The following ABCA8 variants were observed in gnomAD, a reference collection of about 807,000 sequenced individuals.
ABCA8 encodes the protein ATP binding cassette subfamily A member 8.
ABCA8 carries 177 observed loss-of-function variants against 192.3 expected under a neutral mutation model. The ratio of observed to expected loss-of-function variants is 0.92; its 90% CI spans 0.81 to 1.04. The LOEUF (loss-of-function observed/expected upper bound fraction) is 1.04, where lower values mean the gene tolerates loss of function less well. Among genes scored for constraint, ABCA8 ranks in the 50% least tolerant of loss-of-function variants. ABCA8 has a pLI of 0.00. For missense variants in ABCA8, 1,915 were observed against 1,904.8 expected, an observed-to-expected ratio of 1.01 and a Z score of -0.10; for synonymous variants, 642 against 690.2, an observed-to-expected ratio of 0.93 and a Z score of 1.09.
chr17:68,951,603 T>C (rs1347451327), intron 1 of ABCA8, among the ~76,000 whole-genome samples: 1 of 152,234 alleles, frequency 6.6e-6, no homozygotes, highest in African/African-American at 2.4e-5. Flanking sequence ...GGCAATTTCT[T>C]ATTATATCTC....
chr17:68,904,291 AAATAATAATAAT>A (rs71144635), intron 19 of ABCA8, among the ~76,000 whole-genome samples: 12,446 of 144,192 alleles, frequency 0.086, 757 homozygotes, highest in Non-Finnish European at 0.11. Context: ...CAAAAAAAAG[AAATAATAATAAT>A]AATAATAATA....
Position 68,868,361 on chromosome 17 carries a change from A to G in ABCA8, c.4712-5T>C. ...CTAGGTCAAAGCTCTGTTTAACTGC[A>G]TAGGGATGAACATGTATTAGTTCAT... is the stretch of plus-strand genomic sequence containing the variant. On this transcript the variant is annotated splice_region_variant and splice_polypyrimidine_tract_variant and intron_variant, in intron 38 of 39. Coordinates refer to ENST00000586539, the MANE Select transcript of ABCA8 (RefSeq NM_001288985.2). 1 of 1,611,880 alleles carries G rather than the reference A, an allele frequency of 6.2e-7. No homozygotes were observed. Among genetic ancestry groups the G allele is most frequent in the Non-Finnish European group, 8.5e-7 (1 of 1,178,030 alleles).
intron 39 of ABCA8, 50 bp downstream of exon 39, chr17:68,868,251 G>A: frequency 6.2e-7 from 1 of 1,606,914 alleles, no homozygotes; most frequent in Non-Finnish European, 8.5e-7. Flanking sequence ...CCCAGGGAAT[G>A]TTTTATACAC....
Position 68,881,199 on chromosome 17 carries a change from C to A in ABCA8, c.3959G>T (p.Gly1320Val), listed in dbSNP as rs1260558938. 1.9e-6 allele frequency: 3 copies of A among 1,612,604 alleles called. 1 individual carries two copies. The South Asian group carries it at 3.3e-5, about 18-fold the overall frequency. The change falls in exon 32 of 40, where the codon GGA becomes GTA. Residue 1320 changes from glycine to valine, a missense_variant. Coordinates refer to ENST00000586539, the MANE Select transcript of ABCA8 (RefSeq NM_001288985.2). ...SFCVRKGEVL[G>V]LLGHNGAGKS... ...ACCAGCTCCATTGTGTCCTAATAATCCTAAAACTTCACCTGAAAAAAAGGT... is the reference window on the plus strand; with the variant it reads ...ACCAGCTCCATTGTGTCCTAATAATACTAAAACTTCACCTGAAAAAAAGGT...
chr17:68,892,121 T>C (rs1454720139), intron 23 of ABCA8, among the ~76,000 whole-genome samples: 2 of 152,192 alleles, frequency 1.3e-5, no homozygotes, highest in African/African-American at 4.8e-5. Flanking sequence ...GTTCCATCTG[T>C]TGTTACTCCT....
chr17:68,890,214 TG>T (rs1473053234), intron 24 of ABCA8, among the ~76,000 whole-genome samples: 1 of 152,214 alleles, frequency 6.6e-6, no homozygotes, highest in Non-Finnish European at 1.5e-5. Context: ...CATAAACTCT[TG>T]ATAGTGTTGG....
Position 68,907,777 on chromosome 17 carries a change from A to G in ABCA8, c.2241T>C (p.Ile747=), listed in dbSNP as rs981012332. Residue 747 remains isoleucine, a synonymous_variant, in exon 18 of 40, where the codon ATT becomes ATC. Transcript: ENST00000586539. The stretch of plus-strand genomic sequence containing the variant: ...TTGTTCTTTCTAAGGGTAATGTATA[A>G]ATAAGTTTTCCTTCGCTTTTGGCTG... ...KLSAKSEGKL[I]YTLPLERTNK... 1 of 1,608,468 alleles carries G rather than the reference A, an allele frequency of 6.2e-7. No individual in the cohort carries two copies. Among genetic ancestry groups the G allele is most frequent in the Non-Finnish European group, 8.5e-7 (1 of 1,177,682 alleles).
In ABCA8 at chr17:68,907,191, T is replaced by C. The variant is rs142409340; in HGVS notation, c.2278+549A>G. Among the ~76,000 whole-genome samples the C allele has an allele frequency of 2.6e-3, 395 of 152,266 alleles. 1 individual carries two copies. The highest frequency in any genetic ancestry group is 9.0e-3 in the African/African-American group (374 of 41,572). On this transcript the variant is annotated intron_variant, in intron 18 of 39. Transcript: ENST00000586539. ...ATGATTCTAAGGAATGCTTGTGTTG[T>C]CACCATAAAATGTGTATTTGAATGA...
chr17:68,938,060 T>G (rs2068118862), intron 4 of ABCA8, among the ~76,000 whole-genome samples: 1 of 152,138 alleles, frequency 6.6e-6, no homozygotes, highest in Admixed American at 6.6e-5. Flanking sequence ...TGGACGTCTG[T>G]GAAACAGCAA....
At chr17:68,952,304 C>T (rs369099126) in intron 1 of ABCA8, among the ~76,000 whole-genome samples, 67 of 152,034 alleles carry the variant, frequency 4.4e-4, no homozygotes, top group African/African-American at 9.6e-4. Context: ...CTGCAAGCTC[C>T]GCCTCCTGGG....
intron 13 of ABCA8, among the ~76,000 whole-genome samples, chr17:68,920,549 A>C (rs2067505870): frequency 6.6e-6 from 1 of 152,234 alleles, no homozygotes; most frequent in African/African-American, 2.4e-5. Flanking sequence ...CAGTATACCA[A>C]TTAAATATTA....
chr17:68,949,092 T>A (rs1193847831), intron 2 of ABCA8, among the ~76,000 whole-genome samples: 3 of 152,162 alleles, frequency 2.0e-5, no homozygotes, highest in African/African-American at 7.2e-5. Flanking sequence ...TCCTGTTTCA[T>A]TGGTCTATAT....
At chr17:68,953,374 T>G (rs1215779151) in intron 1 of ABCA8, among the ~76,000 whole-genome samples, 1 of 152,156 alleles carries the variant, frequency 6.6e-6, no homozygotes, top group Non-Finnish European at 1.5e-5. Flanking sequence ...TGATGAGAAG[T>G]GAATGAGCCC....
chr17:68,923,327 G>A (rs2067599636), intron 11 of ABCA8, among the ~76,000 whole-genome samples: 1 of 151,902 alleles, frequency 6.6e-6, no homozygotes, highest in East Asian at 1.9e-4. Flanking sequence ...AGTCACCCAA[G>A]TAGCTGGGAT....
In ABCA8 at chr17:68,887,064, G is replaced by C; in HGVS notation, c.3382C>G (p.Arg1128Gly). The C allele has an allele frequency of 6.2e-7, 1 of 1,612,812 alleles. No homozygotes were observed. The highest frequency in any genetic ancestry group is 8.5e-7 in the Non-Finnish European group (1 of 1,179,444). The part of the protein sequence containing the change: ...FMTYVISFIF[R>G]KGRKNSGIWS... ...ATGCCACTATTTTTTCTCCCCTTGCGAAAGATGAAGGAAATCACGTATGTC... is the reference window on the plus strand; with the variant it reads ...ATGCCACTATTTTTTCTCCCCTTGCCAAAGATGAAGGAAATCACGTATGTC... Residue 1128 changes from arginine to glycine, a missense_variant, in exon 26 of 40, where the codon CGC (arginine) becomes GGC (glycine). Transcript: ENST00000586539.
chr17:68,932,912 T>C (rs1394872330), intron 6 of ABCA8, among the ~76,000 whole-genome samples: 1 of 152,230 alleles, frequency 6.6e-6, no homozygotes, highest in Non-Finnish European at 1.5e-5. Flanking sequence ...TGATTTATAG[T>C]TCTGTAATAG....
rs149723417 is a variant in ABCA8 at position 68,869,748 on chromosome 17, C to A, written c.4663G>T (p.Val1555Leu). The A allele has an allele frequency of 6.2e-7, 1 of 1,613,270 alleles. No homozygotes were observed. The highest frequency in any genetic ancestry group is 8.5e-7 in the Non-Finnish European group (1 of 1,179,350). The change falls in exon 38 of 40, where the codon GTG becomes TTG. Residue 1555 changes from valine to leucine, a missense_variant. Transcript: ENST00000586539. ...TGGGCTAAAGGTTGCACATCTTCCA[C>A]TGGCAACTTATAAACCATCAGAGAG... The part of the protein sequence containing the change: ...YSSLMVYKLP[V>L]EDVQPLAQAF...
rs1443261 is a variant in ABCA8 at position 68,882,237 on chromosome 17, T to A, written c.3829-257A>T. Reference sequence around the variant, plus strand: ...TATACAGCTTGCCTGTCCTTTCAGATCAAACGGGGGCAATGAAACTTAGAG... The same window carrying A: ...TATACAGCTTGCCTGTCCTTTCAGAACAAACGGGGGCAATGAAACTTAGAG... On this transcript the variant is annotated intron_variant, in intron 30 of 39. Transcript: ENST00000586539. Among the ~76,000 whole-genome samples, 125,845 of 152,124 alleles carry A rather than the reference T, an allele frequency of 0.83. 52,714 individuals carry two copies. The highest frequency in any genetic ancestry group is 1 in the East Asian group (5,140 of 5,150).
rs1026331978 is a variant in ABCA8 at position 68,921,394 on chromosome 17, C to T, written c.1600G>A (p.Val534Ile). The T allele has an allele frequency of 6.2e-7, 1 of 1,608,276 alleles. No homozygotes were observed. Among genetic ancestry groups the T allele is most frequent in the South Asian group, 1.1e-5 (1 of 90,036 alleles). ...TLLNILSGLS[V>I]PTKGSVTIYN... ...AACTAGTTTGTACCTTTGGTGGGAACAGACAACCCACTAAGAATGTTTAGC... is the reference window on the plus strand; with the variant it reads ...AACTAGTTTGTACCTTTGGTGGGAATAGACAACCCACTAAGAATGTTTAGC... The change falls in exon 13 of 40, where the codon GTT (valine) becomes ATT (isoleucine). Residue 534 changes from valine to isoleucine, a missense_variant. Physicochemically the swap from Val to Ile is conservative, Grantham distance 29. Coordinates refer to ENST00000586539, the MANE Select transcript of ABCA8 (RefSeq NM_001288985.2).
Sources: allele counts gnomAD v4.1 joint callset (sites outside exome capture counted in the v4.1 genomes callset), GRCh38; gene constraint gnomAD v4.1.1; transcripts MANE v1.5; gene names NCBI Gene and HGNC (gene_info 2026-07-23, HGNC 2026-07-21).